CPPED1: variants seen among roughly 807,000 people sequenced by gnomAD.
CPPED1 encodes the protein calcineurin like phosphoesterase domain containing 1.
CPPED1 carries 28 observed loss-of-function variants against 28.0 expected under a neutral mutation model. That is an observed-to-expected ratio of 1.00 (90% CI 0.74 to 1.37). CPPED1 has a LOEUF of 1.37. CPPED1 is among the 40% of genes most tolerant of loss of function. CPPED1 has a pLI of 0.00. For synonymous variants in CPPED1, 198 were observed against 180.2 expected, an observed-to-expected ratio of 1.10 and a Z score of -0.79; for missense variants, 504 against 416.5, an observed-to-expected ratio of 1.21 and a Z score of -1.83.
intron 2 of CPPED1, among the ~76,000 whole-genome samples, chr16:12,730,839 G>A (rs957890118): frequency 2.0e-5 from 3 of 152,172 alleles, no homozygotes; most frequent in Admixed American, 2.0e-4. Context: ...AACTCGAGTG[G>A]TGGGGAAAGG....
At chr16:12,800,781 T>C (rs1392457653) in intron 1 of CPPED1, among the ~76,000 whole-genome samples, 1 of 152,150 alleles carries the variant, frequency 6.6e-6, no homozygotes, top group Non-Finnish European at 1.5e-5. Flanking sequence ...TTTCCCATCC[T>C]GCCATGTCCT....
At chr16:12,781,434 G>C (rs766673948) in intron 1 of CPPED1, 31 bp from the exon 2 acceptor site, 2 of 1,596,514 alleles carry the variant, frequency 1.3e-6, no homozygotes, top group Admixed American at 1.7e-5. Context: ...GAAAGAAGGA[G>C]AAATCTTGTA....
intron 2 of CPPED1, among the ~76,000 whole-genome samples, chr16:12,768,812 C>T (rs758466021): frequency 1.3e-5 from 2 of 151,908 alleles, no homozygotes; most frequent in African/African-American, 2.4e-5. Flanking sequence ...TCACATCACA[C>T]TTGTTGCAGA....
intron 3 of CPPED1, among the ~76,000 whole-genome samples, chr16:12,690,204 T>C (rs1029724683): frequency 6.6e-6 from 1 of 152,132 alleles, no homozygotes; most frequent in Non-Finnish European, 1.5e-5. Context: ...GATCCCTCCC[T>C]GTTTCATGAA....
At chr16:12,681,136 G>A (rs7200640) in intron 3 of CPPED1, among the ~76,000 whole-genome samples, 1 of 143,530 alleles carries the variant, frequency 7.0e-6, no homozygotes, top group Non-Finnish European at 1.5e-5. Context: ...GTTTCCCCCC[G>A]TAAAGAATAG....
At chr16:12,740,222 G>A (rs749309536) in intron 2 of CPPED1, among the ~76,000 whole-genome samples, 22 of 152,112 alleles carry the variant, frequency 1.4e-4, no homozygotes, top group African/African-American at 2.2e-4. Flanking sequence ...TGAGGTGGGC[G>A]GGTACCTGAG....
chr16:12,675,554 A>G (rs558375435), intron 3 of CPPED1, among the ~76,000 whole-genome samples: 1 of 152,354 alleles, frequency 6.6e-6, no homozygotes, highest in Admixed American at 6.5e-5. Flanking sequence ...TAACATTGGA[A>G]ACCTGCTTCA....
intron 2 of CPPED1, among the ~76,000 whole-genome samples, chr16:12,755,533 T>A (rs1345237924): frequency 1.3e-5 from 2 of 152,090 alleles, no homozygotes; most frequent in African/African-American, 4.8e-5. Context: ...TCCTCCCACC[T>A]CAGCCTCTCA....
At chr16:12,772,611 A>G (rs1440076411) in intron 2 of CPPED1, among the ~76,000 whole-genome samples, 1 of 152,254 alleles carries the variant, frequency 6.6e-6, no homozygotes, top group Non-Finnish European at 1.5e-5. Context: ...GGTCCCCAAA[A>G]TTCAAATATC....
rs1192179595 is a variant in CPPED1, at chr16:12,781,206, C to T, written c.268G>A (p.Asp90Asn). ...PKPKFFVLCGDLIHAMPGKPW... is the reference protein window; with the variant it reads ...PKPKFFVLCGNLIHAMPGKPW... The stretch of plus-strand genomic sequence containing the variant: ...TTACCTGGCATGGCGTGGATGAGGT[C>T]GCCGCACAGAACGAAGAATTTGGGT... The change falls in exon 2 of 4, where the codon GAC becomes AAC. Residue 90 changes from aspartate (D) to asparagine (N), a missense_variant. Transcript: ENST00000381774. 9.3e-6 allele frequency: 15 copies of T among 1,613,180 alleles called. No homozygotes were observed. The highest frequency in any genetic ancestry group is 1.6e-4 in the Middle Eastern group (1 of 6,082).
intron 2 of CPPED1, among the ~76,000 whole-genome samples, chr16:12,718,458 G>T (rs1360459878): frequency 1.3e-5 from 2 of 148,344 alleles, no homozygotes; most frequent in African/African-American, 5.0e-5. Flanking sequence ...AGGATCACTT[G>T]AACCTGGGAG....
chr16:12,705,398 G>A (rs928862372), intron 2 of CPPED1, among the ~76,000 whole-genome samples: 1 of 152,140 alleles, frequency 6.6e-6, no homozygotes. Context: ...TGAGGTGGGA[G>A]GGATCACTTG....
chr16:12,732,416 T>C (rs889535837), intron 2 of CPPED1, among the ~76,000 whole-genome samples: 1 of 146,792 alleles, frequency 6.8e-6, no homozygotes, highest in Non-Finnish European at 1.5e-5. Flanking sequence ...AGACTATGAG[T>C]ACCACAGTAT....
chr16:12,700,535 T>A (rs2080014906), intron 3 of CPPED1, among the ~76,000 whole-genome samples: 1 of 152,162 alleles, frequency 6.6e-6, no homozygotes, highest in African/African-American at 2.4e-5. Flanking sequence ...GGATTACAGG[T>A]GGGCACCACC....
intron 3 of CPPED1, among the ~76,000 whole-genome samples, chr16:12,688,764 G>A (rs533169485): frequency 6.6e-6 from 1 of 152,110 alleles, no homozygotes; most frequent in South Asian, 2.1e-4. Flanking sequence ...TGTCTCCAAG[G>A]AACACGTGGG....
chr16:12,710,885 G>A (rs1320254355), intron 2 of CPPED1, among the ~76,000 whole-genome samples: 2 of 152,202 alleles, frequency 1.3e-5, no homozygotes, highest in South Asian at 4.1e-4. Context: ...GTGCATTGTT[G>A]ATGGGAATGA....
Position 12,741,743 on chromosome 16 carries a change from A to G in CPPED1, c.290-36694T>C, listed in dbSNP as rs535872011. On this transcript the variant is annotated intron_variant, in intron 2 of 3. Coordinates refer to ENST00000381774, the MANE Select transcript of CPPED1 (RefSeq NM_018340.3). ...TGCGTGCCTCTCTCCTCTCAAAGAC[A>G]ACAGTATTTAAAACACTGCAAAACT... 5.9e-5 allele frequency among the ~76,000 whole-genome samples: 9 copies of G among 152,276 alleles called. 1 individual carries two copies. Among genetic ancestry groups the G allele is most frequent in the Admixed American group, 3.3e-4 (5 of 15,296 alleles).
At chr16:12,712,072 T>A (rs1242388381) in intron 2 of CPPED1, among the ~76,000 whole-genome samples, 1 of 152,136 alleles carries the variant, frequency 6.6e-6, no homozygotes, top group African/African-American at 2.4e-5. Context: ...CATGTTGACA[T>A]CCTAGCCCAG....
Position 12,714,932 on chromosome 16 carries a change from C to CT in CPPED1, c.290-9884dup, listed in dbSNP as rs1296309883. ...TAACAGTTTTCTAGTTTTAGCTCTT[C>CT]TTTGGGCTTTGATCCATTTTGAGTT... On this transcript the variant is annotated intron_variant, in intron 2 of 3. Transcript: ENST00000381774. 1.5e-4 allele frequency among the ~76,000 whole-genome samples: 23 copies of CT among 150,082 alleles called. No homozygotes were observed. In the Admixed American group the frequency reaches 1.6e-3, roughly 10 times the overall value.
Sources: allele counts gnomAD v4.1 joint callset (sites outside exome capture counted in the v4.1 genomes callset), GRCh38; gene constraint gnomAD v4.1.1; transcripts MANE v1.5; gene names NCBI Gene and HGNC (gene_info 2026-07-23, HGNC 2026-07-21).